The following SLMAP variants were observed in gnomAD, a reference collection of about 807,000 sequenced individuals.
SLMAP encodes sarcolemma associated protein.
Under a neutral mutation model 128.8 loss-of-function variants are expected in SLMAP, and 44 were observed. That is an observed-to-expected ratio of 0.34 (90% confidence interval 0.27 to 0.44). The LOEUF is 0.44. Ranked by LOEUF, SLMAP falls within the 20% of genes least tolerant of loss-of-function variation. The pLI is 1.00. For synonymous variants in SLMAP, 327 were observed against 348.8 expected, an observed-to-expected ratio of 0.94 and a Z score of 0.70; for missense variants, 787 against 985.3, an observed-to-expected ratio of 0.80 and a Z score of 2.69.
At chr3:57,880,805 A>G (rs1322483418) in intron 14 of SLMAP, among the ~76,000 whole-genome samples, 3 of 152,086 alleles carry the variant, frequency 2.0e-5, no homozygotes, top group Non-Finnish European at 2.9e-5. Flanking sequence ...GGATCGCTTG[A>G]GCCCTGGAGC....
rs34568039 is a variant in SLMAP at position 57,848,709 on chromosome 3, C to CTTT, written c.457-1028_457-1026dup. Among the ~76,000 whole-genome samples the CTTT allele has an allele frequency of 6.9e-3, 712 of 103,594 alleles. 31 individuals carry two copies. Among genetic ancestry groups the CTTT allele is most frequent in the East Asian group, 0.014 (43 of 3,012 alleles). The allele number at this position is 103,594 out of a possible 152,430, so 68.0% of individuals were successfully genotyped here. ...TTCTTCTTTCTTCCTCCTCCTACTC[C>CTTT]TTTTTTTTTTTTTTTTTTTGAGACA... On this transcript the variant is annotated intron_variant, in intron 5 of 24. Coordinates refer to ENST00000671191, the MANE Select transcript of SLMAP (RefSeq NM_001377540.1).
chr3:57,856,231 G>GA (rs576830627), intron 6 of SLMAP, among the ~76,000 whole-genome samples: 267 of 151,314 alleles, frequency 1.8e-3, no homozygotes, highest in Middle Eastern at 3.4e-3. Flanking sequence ...CTCAAAAAAA[G>GA]AAAAAAAAGT....
chr3:57,922,854 T>C, intron 22 of SLMAP, 35 bp from the exon 23 acceptor site: 1 of 1,599,158 alleles, frequency 6.3e-7, no homozygotes, highest in Non-Finnish European at 8.5e-7. Flanking sequence ...CCATTTTAAG[T>C]TGTATCTGCA....
At chr3:57,804,260 A>T (rs1345831001) in intron 2 of SLMAP, among the ~76,000 whole-genome samples, 1 of 152,206 alleles carries the variant, frequency 6.6e-6, no homozygotes, top group African/African-American at 2.4e-5. Flanking sequence ...TTACTAGCCT[A>T]GGTTTCTACA....
chr3:57,760,306 C>CT (rs1317779409), intron 2 of SLMAP, among the ~76,000 whole-genome samples: 1 of 152,164 alleles, frequency 6.6e-6, no homozygotes, highest in African/African-American at 2.4e-5. Context: ...ACCATTTTCA[C>CT]TTTTTTCCTC....
chr3:57,818,770 T>C (rs912810411), intron 2 of SLMAP, among the ~76,000 whole-genome samples: 8 of 152,222 alleles, frequency 5.3e-5, no homozygotes, highest in African/African-American at 1.9e-4. Context: ...ACTTCATACT[T>C]TCATAAGCTT....
intron 2 of SLMAP, among the ~76,000 whole-genome samples, chr3:57,797,930 C>T (rs1335749325): frequency 1.3e-5 from 2 of 152,128 alleles, no homozygotes; most frequent in African/African-American, 2.4e-5. Context: ...ATCCTGGTTT[C>T]ACCTCTTATT....
chr3:57,911,402 T>TTAAATCTACAATTTCCTTATAA (rs1414973343), intron 19 of SLMAP, among the ~76,000 whole-genome samples: 4 of 152,238 alleles, frequency 2.6e-5, no homozygotes, highest in African/African-American at 4.8e-5. Context: ...TTGGAACTTT[T>TTAAATCTACAATTTCCTTATAA]TAAATCTACA....
intron 23 of SLMAP, among the ~76,000 whole-genome samples, chr3:57,925,439 T>C (rs561855254): frequency 6.6e-6 from 1 of 151,828 alleles, no homozygotes; most frequent in South Asian, 2.1e-4. Flanking sequence ...GCAATTCTCC[T>C]GCCTTAACCT....
chr3:57,774,320 G>C (rs1188364205), intron 2 of SLMAP, among the ~76,000 whole-genome samples: 1 of 151,976 alleles, frequency 6.6e-6, no homozygotes, highest in Non-Finnish European at 1.5e-5. Context: ...TTTGAAAGCT[G>C]ATATAAAAAT....
At chr3:57,769,607 G>A (rs1370854513) in intron 2 of SLMAP, among the ~76,000 whole-genome samples, 2 of 152,100 alleles carry the variant, frequency 1.3e-5, no homozygotes, top group Non-Finnish European at 2.9e-5. Context: ...TACAGGGTGA[G>A]CTACCGCACC....
intron 23 of SLMAP, among the ~76,000 whole-genome samples, chr3:57,925,603 C>G (rs1300890856): frequency 6.6e-6 from 1 of 152,198 alleles, no homozygotes; most frequent in Admixed American, 6.5e-5. Context: ...GCTGGGATTA[C>G]AGGCATTGAG....
intron 21 of SLMAP, among the ~76,000 whole-genome samples, chr3:57,915,163 C>T (rs1275055035): frequency 1.3e-5 from 2 of 152,126 alleles, no homozygotes; most frequent in Non-Finnish European, 2.9e-5. Flanking sequence ...CCACTGCCCT[C>T]GGCCGAAAGT....
chr3:57,898,827 T>C (rs1029340344), intron 17 of SLMAP: 6 of 152,224 alleles, frequency 3.9e-5, no homozygotes, highest in African/African-American at 1.4e-4. Context: ...TTATTTGTAA[T>C]ATGTCCTTGG....
intron 2 of SLMAP, among the ~76,000 whole-genome samples, chr3:57,786,076 T>C (rs2084025408): frequency 6.6e-6 from 1 of 152,224 alleles, no homozygotes; most frequent in South Asian, 2.1e-4. Context: ...TAGTATAATA[T>C]TTTAGTAGCA....
At chr3:57,840,958 TAGTC>T (rs2093905956) in intron 3 of SLMAP, among the ~76,000 whole-genome samples, 1 of 152,184 alleles carries the variant, frequency 6.6e-6, no homozygotes, top group African/African-American at 2.4e-5. Context: ...AATTTGGGAA[TAGTC>T]AGACCTTATG....
At chr3:57,858,928 GTGAAACTC>G (rs886165779) in intron 8 of SLMAP, among the ~76,000 whole-genome samples, 29 of 152,052 alleles carry the variant, frequency 1.9e-4, no homozygotes, top group African/African-American at 7.0e-4. Flanking sequence ...GGCAACAAGA[GTGAAACTC>G]TGTCTCAACA....
Position 57,896,606 on chromosome 3 carries a change from A to C in SLMAP, c.1441+15A>C. 1 of 1,585,270 alleles carries C rather than the reference A, an allele frequency of 6.3e-7. No individual in the cohort carries two copies. The highest frequency in any genetic ancestry group is 1.1e-5 in the South Asian group (1 of 87,660). On this transcript the variant is annotated intron_variant, in intron 16 of 24. Coordinates refer to ENST00000671191, the MANE Select transcript of SLMAP (RefSeq NM_001377540.1). ...CGACACTACAGGTGAGTTTTAACCT[A>C]ATGTTTACAGACCTGCAGCTGTTAA...
chr3:57,850,842 C>G (rs2094473745), intron 6 of SLMAP, among the ~76,000 whole-genome samples: 1 of 152,024 alleles, frequency 6.6e-6, no homozygotes, highest in Admixed American at 6.6e-5. Flanking sequence ...ACCATGTTGC[C>G]CAGGGTGGTC....
Sources: allele counts gnomAD v4.1 joint callset (sites outside exome capture counted in the v4.1 genomes callset), GRCh38; gene constraint gnomAD v4.1.1; transcripts MANE v1.5; gene names NCBI Gene and HGNC (gene_info 2026-07-23, HGNC 2026-07-21).